Variants in PCLO observed in about 807,000 individuals in gnomAD.
PCLO encodes the protein protein piccolo.
In PCLO, 82 loss-of-function variants were observed where a neutral mutation model predicts 427.5. That is an observed-to-expected ratio of 0.19 (90% CI 0.16 to 0.23). PCLO has a LOEUF of 0.23. PCLO is among the 10% of genes least tolerant of loss of function. PCLO has a pLI of 1.00. For missense variants in PCLO, 6,239 were observed against 6,115.9 expected, an observed-to-expected ratio of 1.02 and a Z score of -0.67; for synonymous variants, 2,357 against 2,155.4, an observed-to-expected ratio of 1.09 and a Z score of -2.59.
rs1254527047 is a variant in PCLO at position 82,953,785 on chromosome 7, G to T, written c.7168C>A (p.Pro2390Thr). ...SPSVSSLPAK[P>T]RPFFRSSSLD... ...GAAGAACTTCTAAAGAATGGGCGAG[G>T]TTTAGCTGGAAGAGAGGAAACAGAA... The change falls in exon 5 of 25, where the codon CCT (proline) becomes ACT (threonine). Residue 2390 changes from proline (P) to threonine (T), a missense_variant. Pro to Thr is a conservative substitution (Grantham distance 38, BLOSUM62 -1). Around this residue, in one of 5 missense-constraint regions of PCLO, gnomAD observed 4,677 missense variants for 4,468.4 expected, o/e 1.05. Transcript: ENST00000333891. 6.9e-6 allele frequency: 11 copies of T among 1,588,720 alleles called. No individual in the cohort carries two copies. The highest frequency in any genetic ancestry group is 9.4e-6 in the Non-Finnish European group (11 of 1,166,642).
At chr7:82,990,962 A>C (rs1190690734) in intron 3 of PCLO, among the ~76,000 whole-genome samples, 1 of 152,148 alleles carries the variant, frequency 6.6e-6, no homozygotes, top group Non-Finnish European at 1.5e-5. Flanking sequence ...CTTACTTACT[A>C]ATTTTAGAAT....
chr7:82,922,928 C>G (rs1261598262), intron 6 of PCLO, among the ~76,000 whole-genome samples: 1 of 151,892 alleles, frequency 6.6e-6, no homozygotes, highest in Non-Finnish European at 1.5e-5. Context: ...ATAATAATAT[C>G]TTGGATTTTT....
chr7:83,126,480 C>T (rs942173134), intron 3 of PCLO, among the ~76,000 whole-genome samples: 1 of 151,882 alleles, frequency 6.6e-6, no homozygotes, highest in African/African-American at 2.4e-5. Flanking sequence ...ATCAAAATAT[C>T]ACATGTACCC....
intron 3 of PCLO, among the ~76,000 whole-genome samples, chr7:83,027,872 T>C (rs1199093828): frequency 2.4e-5 from 3 of 123,240 alleles, no homozygotes; most frequent in East Asian, 4.6e-4. Flanking sequence ...ATTATCTCAA[T>C]AGATGCAGAA....
At position 82,954,649 on chromosome 7, in the gene PCLO, G is replaced by A; in HGVS notation, c.6304C>T (p.Pro2102Ser). ...ACACTTGATGTCAAAGAGGCATCTG[G>A]CATTCTGTCAAAGTCCATGGTGGAC... Reference protein sequence around the residue: ...TESTMDFDRMPDASLTSSVLS... With the variant: ...TESTMDFDRMSDASLTSSVLS... The change falls in exon 5 of 25, where the codon CCA becomes TCA. Residue 2102 changes from proline (P) to serine (S), a missense_variant. Pro to Ser is a moderately conservative substitution (Grantham distance 74). Transcript: ENST00000333891. The A allele has an allele frequency of 1.2e-6, 2 of 1,613,906 alleles. No homozygotes were observed. Among genetic ancestry groups the A allele is most frequent in the South Asian group, 1.1e-5 (1 of 91,072 alleles).
chr7:83,073,460 G>A (rs1017642475), intron 3 of PCLO, among the ~76,000 whole-genome samples: 6 of 151,926 alleles, frequency 3.9e-5, no homozygotes, highest in African/African-American at 9.7e-5. Flanking sequence ...AGATAGAAAT[G>A]TAAACAAAGA....
intron 6 of PCLO, among the ~76,000 whole-genome samples, chr7:82,925,713 C>CTTTTTTTTTT (rs34017885): frequency 5.1e-5 from 4 of 78,986 alleles, no homozygotes; most frequent in African/African-American, 1.5e-4. Context: ...ATTTTTGTTG[C>CTTTTTTTTTT]TTTTTTTTTT....
chr7:82,821,542 G>C (rs1175586188), intron 20 of PCLO: 2 of 978,900 alleles, frequency 2.0e-6, no homozygotes, highest in Non-Finnish European at 2.4e-6. Flanking sequence ...CCTTTTAGAA[G>C]TAACAGGGTA....
At chr7:82,902,516 T>G (rs768169818) in intron 9 of PCLO, 135 bp downstream of exon 9, 8 of 569,724 alleles carry the variant, frequency 1.4e-5, no homozygotes, top group Non-Finnish European at 2.5e-5. Context: ...GCATGGCACA[T>G]GTATACATAT....
chr7:82,941,209 G>T (rs1795077756), intron 6 of PCLO, among the ~76,000 whole-genome samples: 1 of 151,802 alleles, frequency 6.6e-6, no homozygotes, highest in South Asian at 2.1e-4. Flanking sequence ...AGCTTATTTA[G>T]CCAGTTCATC....
rs1224371777 is a variant in PCLO at position 82,954,729 on chromosome 7, T to A, written c.6224A>T (p.Gln2075Leu). 6.2e-7 allele frequency: 1 copy of A among 1,613,890 alleles called. No homozygotes were observed. Among genetic ancestry groups the A allele is most frequent in the Non-Finnish European group, 8.5e-7 (1 of 1,179,852 alleles). Residue 2075 changes from glutamine (Q) to leucine (L), a missense_variant, in exon 5 of 25, where the codon CAA becomes CTA. Transcript: ENST00000333891. ...YEELMKRQQMQLTPGSSPTQA... is the reference protein window; with the variant it reads ...YEELMKRQQMLLTPGSSPTQA... Reference sequence around the variant, plus strand: ...GGTTGGGCTAGATCCAGGTGTTAATTGCATCTGTTGCCTCTTCATAAGTTC... The same window carrying A: ...GGTTGGGCTAGATCCAGGTGTTAATAGCATCTGTTGCCTCTTCATAAGTTC...
At position 82,845,482 on chromosome 7, in the gene PCLO, T is replaced by C. The variant is rs1217477915; in HGVS notation, c.13835A>G (p.Asp4612Gly). The C allele has an allele frequency of 6.2e-7, 1 of 1,606,716 alleles. No individual in the cohort carries two copies. The highest frequency in any genetic ancestry group is 2.2e-5 in the East Asian group (1 of 44,638). The change falls in exon 13 of 25, where the codon GAT (aspartate) becomes GGT (glycine). Residue 4612 changes from aspartate to glycine, a missense_variant. Around this residue, in one of 5 missense-constraint regions of PCLO, gnomAD observed 877 missense variants for 925.5 expected, o/e 0.95. Coordinates refer to ENST00000333891, the MANE Select transcript of PCLO (RefSeq NM_033026.6). Reference protein sequence around the residue: ...LELHEPPKAVDKAKSPGVDPK... With the variant: ...LELHEPPKAVGKAKSPGVDPK... ...ATCAACCCCTGGGGATTTCGCCTTA[T>C]CCACTACAACAAAATGAAAGAGATT...
At chr7:83,047,798 TA>T (rs1789138703) in intron 3 of PCLO, among the ~76,000 whole-genome samples, 2 of 152,120 alleles carry the variant, frequency 1.3e-5, no homozygotes, top group Non-Finnish European at 2.9e-5. Context: ...CACATATGAA[TA>T]ACTGGGAGAT....
rs752811261 is a variant in PCLO, at chr7:82,824,334, T to G, written c.14498A>C (p.Asp4833Ala). Residue 4833 changes from aspartate (D) to alanine (A), a missense_variant, in exon 19 of 25, where the codon GAT (aspartate) becomes GCT (alanine). Asp to Ala is a moderately radical substitution (Grantham distance 126). Around this residue, in one of 5 missense-constraint regions of PCLO, gnomAD observed 877 missense variants for 925.5 expected, o/e 0.95. Coordinates refer to ENST00000333891, the MANE Select transcript of PCLO (RefSeq NM_033026.6). ...YPLKEQTESI[D>A]HGKSHSSQSS... ...CTGACTGGAATGAGACTTGCCATGA[T>G]CAATGCTTTCAGTCTGTTCTTTGAG... is the stretch of plus-strand genomic sequence containing the variant. 1 of 1,613,406 alleles carries G rather than the reference T, an allele frequency of 6.2e-7. No individual in the cohort carries two copies. Among genetic ancestry groups the G allele is most frequent in the East Asian group, 2.2e-5 (1 of 44,842 alleles).
At position 82,949,828 on chromosome 7, in the gene PCLO, G is replaced by C; in HGVS notation, c.10760C>G (p.Pro3587Arg). The C allele has an allele frequency of 6.2e-7, 1 of 1,613,688 alleles. No homozygotes were observed. Among genetic ancestry groups the C allele is most frequent in the Non-Finnish European group, 8.5e-7 (1 of 1,179,828 alleles). Residue 3587 changes from proline to arginine, a missense_variant, in exon 6 of 25, where the codon CCC (proline) becomes CGC (arginine). Coordinates refer to ENST00000333891, the MANE Select transcript of PCLO (RefSeq NM_033026.6). ...SPQYLSATSPPKDKKRPTPLE... is the reference protein window; with the variant it reads ...SPQYLSATSPRKDKKRPTPLE... ...AGGTGTTGGGCGTTTCTTGTCTTTG[G>C]GTGGAGATGTGGCACTCAGATATTG...
At chr7:82,800,694 C>G (rs977184144) in intron 22 of PCLO, among the ~76,000 whole-genome samples, 1 of 152,038 alleles carries the variant, frequency 6.6e-6, no homozygotes, top group Non-Finnish European at 1.5e-5. Flanking sequence ...CTCCTGGATT[C>G]AAGCAATTCT....
At chr7:82,786,237 A>T (rs1790980663) in intron 22 of PCLO, among the ~76,000 whole-genome samples, 1 of 152,218 alleles carries the variant, frequency 6.6e-6, no homozygotes, top group South Asian at 2.1e-4. Context: ...TGATTAGAAG[A>T]ATAATGTAAC....
intron 24 of PCLO, 34 bp from the exon 25 acceptor site, chr7:82,758,749 T>C (rs1308577075): frequency 1.5e-6 from 2 of 1,315,598 alleles, no homozygotes; most frequent in Non-Finnish European, 2.2e-6. Context: ...ACATATTTAA[T>C]TTATACACAT....
intron 3 of PCLO, among the ~76,000 whole-genome samples, chr7:83,045,551 T>C (rs1365309647): frequency 1.3e-5 from 2 of 152,142 alleles, no homozygotes; most frequent in Non-Finnish European, 2.9e-5. Flanking sequence ...TGACTCATGA[T>C]AGCTATTTGT....
Sources: allele counts gnomAD v4.1 joint callset (sites outside exome capture counted in the v4.1 genomes callset), GRCh38; gene constraint gnomAD v4.1.1; regional missense constraint gnomAD v4.1.1; transcripts MANE v1.5; gene names NCBI Gene and HGNC (gene_info 2026-07-23, HGNC 2026-07-21).